Variants in CCDC3 observed in about 807,000 individuals in gnomAD.
The protein encoded by CCDC3 is coiled-coil domain containing 3.
CCDC3 carries 24 observed loss-of-function variants against 21.4 expected under a neutral mutation model. That is an observed-to-expected ratio of 1.12 (90% CI 0.81 to 1.58). CCDC3 has a LOEUF of 1.58. Among genes scored for constraint, CCDC3 ranks in the 40% most tolerant of loss-of-function variants. CCDC3 has a pLI of 0.00. For synonymous variants in CCDC3, 186 were observed against 166.0 expected (o/e 1.12, Z -0.93); for missense variants, 425 against 360.9 (o/e 1.18, Z -1.44).
At chr10:13,095,843 G>A (rs1297058542) in intron 3 of CCDC3, among the ~76,000 whole-genome samples, 1 of 152,152 alleles carries the variant, frequency 6.6e-6, no homozygotes, top group African/African-American at 2.4e-5. Flanking sequence ...TTAAAAAGTT[G>A]TAAAACCATC....
chr10:13,045,778 A>G (rs1025453188), intron 5 of CCDC3, among the ~76,000 whole-genome samples: 4 of 152,182 alleles, frequency 2.6e-5, no homozygotes, highest in Non-Finnish European at 4.4e-5. Context: ...AAGCACTATA[A>G]AACTTTTTTC....
At chr10:13,075,448 T>G (rs199502264) in intron 3 of CCDC3, among the ~76,000 whole-genome samples, 1 of 10,370 alleles carries the variant, frequency 9.6e-5, no homozygotes, top group Non-Finnish European at 2.8e-4. Flanking sequence ...TGTTTTTTTG[T>G]TTTTTTTTTC....
intron 5 of CCDC3, among the ~76,000 whole-genome samples, chr10:13,030,665 A>G (rs1371770104): frequency 6.6e-6 from 1 of 152,196 alleles, no homozygotes; most frequent in African/African-American, 2.4e-5. Flanking sequence ...AGCAAATGGA[A>G]AGCAGAAAAA....
chr10:12,939,891 T>C (rs1834794170), intron 2 of CCDC3, among the ~76,000 whole-genome samples: 1 of 152,242 alleles, frequency 6.6e-6, no homozygotes, highest in South Asian at 2.1e-4. Flanking sequence ...ATTTTGCTAA[T>C]TCACTTGGCT....
chr10:12,975,927 C>T (rs1835410915), intron 2 of CCDC3, among the ~76,000 whole-genome samples: 1 of 152,170 alleles, frequency 6.6e-6, no homozygotes, highest in South Asian at 2.1e-4. Context: ...GACCCTGGCT[C>T]CAAGACACAC....
chr10:13,034,702 A>AAAACAAACAAAC (rs142897479), intron 5 of CCDC3, among the ~76,000 whole-genome samples: 6,571 of 151,180 alleles, frequency 0.043, 196 homozygotes, highest in Non-Finnish European at 0.068. Context: ...CTCACTGTAA[A>AAAACAAACAAAC]AAACAAACAA....
intron 2 of CCDC3, among the ~76,000 whole-genome samples, chr10:12,969,228 GGA>G (rs1232250206): frequency 1.3e-5 from 2 of 151,954 alleles, no homozygotes; most frequent in African/African-American, 4.8e-5. Flanking sequence ...GAATCATCAG[GGA>G]AAAGGAGATT....
intron 2 of CCDC3, among the ~76,000 whole-genome samples, chr10:12,944,830 G>A (rs1384647617): frequency 6.6e-6 from 1 of 152,188 alleles, no homozygotes; most frequent in East Asian, 1.9e-4. Flanking sequence ...TCATTGTCAT[G>A]AGCAATCCAA....
intron 2 of CCDC3, among the ~76,000 whole-genome samples, chr10:12,924,075 G>A (rs1314845732): frequency 6.6e-6 from 1 of 152,178 alleles, no homozygotes; most frequent in Non-Finnish European, 1.5e-5. Flanking sequence ...AATTGCCATG[G>A]CCTCAGTTTC....
At position 12,998,340 on chromosome 10, in the gene CCDC3, T is replaced by C; in HGVS notation, c.547A>G (p.Arg183Gly). The change falls in exon 2 of 3, where the codon AGG becomes GGG. Residue 183 changes from arginine (R) to glycine (G), a missense_variant and splice_region_variant. Physicochemically the swap from Arg to Gly is moderately radical, Grantham distance 125 (BLOSUM62 -2). Coordinates refer to ENST00000378825, the MANE Select transcript of CCDC3 (RefSeq NM_031455.4). ...SSDWEIQEDS[R>G]LMCSSVQKAL... ...CACAGGATTTAGCCAATTCTTACCCTACTGTCTTCCTGGATTTCCCAGTCA... is the reference window on the plus strand; with the variant it reads ...CACAGGATTTAGCCAATTCTTACCCCACTGTCTTCCTGGATTTCCCAGTCA... The C allele has an allele frequency of 6.2e-7, 1 of 1,613,972 alleles. No individual in the cohort carries two copies. Among genetic ancestry groups the C allele is most frequent in the Non-Finnish European group, 8.5e-7 (1 of 1,179,908 alleles).
chr10:13,001,391 G>T lies in CCDC3; in HGVS notation c.180C>A (p.Asn60Lys). 6.3e-7 allele frequency: 1 copy of T among 1,582,098 alleles called. No individual in the cohort carries two copies. The highest frequency in any genetic ancestry group is 8.6e-7 in the Non-Finnish European group (1 of 1,165,174). Reference protein sequence around the residue: ...ALHPEAPGLYNHLPWQYHAGQ... With the variant: ...ALHPEAPGLYKHLPWQYHAGQ... ...CGGCGTGGTACTGCCAGGGCAGGTGGTTGTAGAGGCCGGGCGCCTCGGGGT... is the reference window on the plus strand; with the variant it reads ...CGGCGTGGTACTGCCAGGGCAGGTGTTTGTAGAGGCCGGGCGCCTCGGGGT... Residue 60 changes from asparagine (N) to lysine (K), a missense_variant, in exon 1 of 3, where the codon AAC (asparagine) becomes AAA (lysine). By Grantham distance (94) the Asn-to-Lys change is moderately conservative. Coordinates refer to ENST00000378825, the MANE Select transcript of CCDC3 (RefSeq NM_031455.4).
chr10:13,034,868 T>C (rs978721416), intron 5 of CCDC3, among the ~76,000 whole-genome samples: 86 of 151,586 alleles, frequency 5.7e-4, no homozygotes, highest in African/African-American at 2.0e-3. Flanking sequence ...TTACTAAAAA[T>C]ACAAAAAATT....
At chr10:13,073,484 C>T (rs1406020625) in intron 4 of CCDC3, among the ~76,000 whole-genome samples, 1 of 152,022 alleles carries the variant, frequency 6.6e-6, no homozygotes, top group Non-Finnish European at 1.5e-5. Context: ...CATCCCCTTC[C>T]ATCTTTCACC....
At chr10:12,980,349 T>C (rs1015139922) in intron 2 of CCDC3, among the ~76,000 whole-genome samples, 8 of 152,114 alleles carry the variant, frequency 5.3e-5, no homozygotes, top group Non-Finnish European at 1.2e-4. Context: ...CAAAACAGCA[T>C]GGGGAAGACA....
At chr10:13,025,600 CT>C (rs1223725911) in intron 5 of CCDC3, among the ~76,000 whole-genome samples, 1 of 152,208 alleles carries the variant, frequency 6.6e-6, no homozygotes, top group Middle Eastern at 3.2e-3. Context: ...TTTTAAGAAA[CT>C]ACCATCGAAC....
intron 2 of CCDC3, among the ~76,000 whole-genome samples, chr10:12,950,016 A>G (rs995033160): frequency 1.1e-4 from 16 of 152,162 alleles, no homozygotes; most frequent in African/African-American, 3.9e-4. Flanking sequence ...CACCTGTCAC[A>G]TCCAAGCCCA....
At chr10:13,000,903 C>T (rs1438975817) in intron 1 of CCDC3, among the ~76,000 whole-genome samples, 1 of 152,216 alleles carries the variant, frequency 6.6e-6, no homozygotes, top group Non-Finnish European at 1.5e-5. Flanking sequence ...AAACCCAAGT[C>T]AAAGGGACTG....
chr10:12,974,792 G>C (rs556929412), intron 2 of CCDC3, among the ~76,000 whole-genome samples: 11 of 152,170 alleles, frequency 7.2e-5, no homozygotes, highest in Non-Finnish European at 1.5e-4. Context: ...ACAGACAAAG[G>C]TTTCATCACC....
At position 12,981,164 on chromosome 10, in the gene CCDC3, C is replaced by T. The variant is rs930319149; in HGVS notation, c.549+17174G>A. On this transcript the variant is annotated intron_variant, in intron 2 of 2. Transcript: ENST00000378825. ...CCAGGATTACAAGTGTGAGCCACTG[C>T]ATCTGGCCCAGGATTTTTTTTTTTT... Among the ~76,000 whole-genome samples, 37 of 149,428 alleles carry T rather than the reference C, an allele frequency of 2.5e-4. 1 individual carries two copies. Among genetic ancestry groups the T allele is most frequent in the African/African-American group, 8.9e-4 (36 of 40,278 alleles).
Sources: gnomAD v4.1 joint callset for allele counts (sites outside exome capture counted in the v4.1 genomes callset) on GRCh38, gnomAD v4.1.1 for gene constraint, MANE v1.5 for transcripts, NCBI Gene and HGNC (gene_info 2026-07-23, HGNC 2026-07-21) for gene names.